The following ALDH1L1 variants were observed in gnomAD, a reference collection of about 807,000 sequenced individuals.
ALDH1L1 encodes cytosolic 10-formyltetrahydrofolate dehydrogenase.
In ALDH1L1, 68 loss-of-function variants were observed where a neutral mutation model predicts 101.1. The observed-to-expected ratio is 0.67, with a 90% confidence interval of 0.55 to 0.82. The LOEUF is 0.82. ALDH1L1 is among the 40% of genes least tolerant of loss of function. The pLI, the probability that ALDH1L1 is intolerant of heterozygous loss-of-function variation, is 0.00. For missense variants in ALDH1L1, 1,087 were observed against 1,172.7 expected (o/e 0.93, Z 1.07); for synonymous variants, 486 against 470.8 (o/e 1.03, Z -0.42).
chr3:126,124,739 T>G (rs2080148170), intron 15 of ALDH1L1, among the ~76,000 whole-genome samples: 1 of 152,198 alleles, frequency 6.6e-6, no homozygotes, highest in African/African-American at 2.4e-5. Context: ...CTGCACAGCA[T>G]AAGTTTCTAA....
At chr3:126,168,991 G>A (rs997875608) in intron 1 of ALDH1L1, among the ~76,000 whole-genome samples, 7 of 152,060 alleles carry the variant, frequency 4.6e-5, no homozygotes, top group Admixed American at 2.0e-4. Flanking sequence ...TCTTCAAAAC[G>A]TGGTTTATAT....
chr3:126,154,731 G>A (rs1461850379), intron 5 of ALDH1L1, 88 bp from the exon 6 acceptor site: 10 of 1,243,402 alleles, frequency 8.0e-6, no homozygotes, highest in Non-Finnish European at 1.2e-5. Context: ...CCAAGCTCTT[G>A]TGAGACAGCT....
chr3:126,126,738 C>T (rs556999023), intron 14 of ALDH1L1, among the ~76,000 whole-genome samples: 1 of 152,292 alleles, frequency 6.6e-6, no homozygotes, highest in South Asian at 2.1e-4. Flanking sequence ...CTGAATTGTG[C>T]CCCCACTCCC....
rs150172243 is a variant in ALDH1L1 at position 126,157,430 on chromosome 3, C to A, written c.441G>T (p.Leu147=). The A allele has an allele frequency of 4.2e-4, 676 of 1,614,168 alleles. 2 individuals carry two copies. In the African/African-American group the frequency reaches 8.0e-3, roughly 19 times the overall value. ...GGAGCACCTCACACTCCTTCTGCAGCAGCAGGTCTCCGGTGTCCAGACCAT... is the reference window on the plus strand; with the variant it reads ...GGAGCACCTCACACTCCTTCTGCAGAAGCAGGTCTCCGGTGTCCAGACCAT... ...ADDGLDTGDL[L]LQKECEVLPD... is the part of the protein sequence containing the mutation. Residue 147 remains leucine (L), a synonymous_variant, in exon 4 of 23, where the codon CTG becomes CTT. Transcript: ENST00000393434.
Position 126,103,820 on chromosome 3 carries a change from G to C in ALDH1L1, c.2680C>G (p.Arg894Gly). ...LGEAALNEYL[R>G]VKTVTFEY The stretch of plus-strand genomic sequence containing the variant: ...TATTCGAAGGTCACTGTCTTGACCC[G>C]CAGGTACTCGTTCAGAGCCGCCTCT... Residue 894 changes from arginine to glycine, a missense_variant, in exon 23 of 23, where the codon CGG (arginine) becomes GGG (glycine). Arg to Gly is a moderately radical substitution (Grantham distance 125). Transcript: ENST00000393434. 1 of 1,613,570 alleles carries C rather than the reference G, an allele frequency of 6.2e-7. No homozygotes were observed. The highest frequency in any genetic ancestry group is 8.5e-7 in the Non-Finnish European group (1 of 1,179,802).
At chr3:126,195,882 C>T (rs942135811) in intron 1 of ALDH1L1, among the ~76,000 whole-genome samples, 7 of 152,040 alleles carry the variant, frequency 4.6e-5, no homozygotes, top group South Asian at 4.2e-4. Context: ...AAACACCGCA[C>T]GTTCTCACTC....
intron 4 of ALDH1L1, chr3:126,156,568 C>G (rs2080909608): frequency 6.6e-6 from 1 of 152,340 alleles, no homozygotes; most frequent in Non-Finnish European, 1.5e-5. Flanking sequence ...CGGGCAGGGG[C>G]AAGCAGCCCT....
intron 1 of ALDH1L1, among the ~76,000 whole-genome samples, chr3:126,171,304 A>G (rs145155555): frequency 6.6e-6 from 1 of 152,212 alleles, no homozygotes; most frequent in East Asian, 1.9e-4. Context: ...CTCAATAAAT[A>G]AGTAAAAACA....
intron 20 of ALDH1L1, among the ~76,000 whole-genome samples, chr3:126,107,483 G>A (rs539836704): frequency 4.6e-5 from 7 of 152,342 alleles, no homozygotes; most frequent in East Asian, 1.9e-4. Flanking sequence ...AAATGGGGCC[G>A]CCGGTTGGCA....
chr3:126,134,599 G>A (rs1024625874), intron 12 of ALDH1L1, among the ~76,000 whole-genome samples: 6 of 152,182 alleles, frequency 3.9e-5, no homozygotes, highest in South Asian at 4.1e-4. Flanking sequence ...ATCTCCATTC[G>A]GTTTTGCAGA....
chr3:126,103,770 T>C lies in ALDH1L1; in HGVS notation c.*21A>G. 6.2e-7 allele frequency: 1 copy of C among 1,612,290 alleles called. No homozygotes were observed. Among genetic ancestry groups the C allele is most frequent in the Non-Finnish European group, 8.5e-7 (1 of 1,179,198 alleles). ...AGCCACGAGGGAGGGGCAGGGACTT[T>C]CTTCTCACAAAGACCTTTCTTCAGT... On this transcript the variant is annotated 3_prime_UTR_variant, in exon 23 of 23. Transcript: ENST00000393434.
At position 126,153,592 on chromosome 3, in the gene ALDH1L1, G is replaced by A; in HGVS notation, c.721-11C>T. On this transcript the variant is annotated splice_polypyrimidine_tract_variant and intron_variant, in intron 6 of 22. Coordinates refer to ENST00000393434, the MANE Select transcript of ALDH1L1 (RefSeq NM_012190.4). ...GAAAAATGTCAGTTTCTGTCAAGGG[G>A]AGAAATATCAGAAGATGGTGGGTGA... 1.2e-6 allele frequency: 2 copies of A among 1,609,120 alleles called. No homozygotes were observed. Among genetic ancestry groups the A allele is most frequent in the Non-Finnish European group, 1.7e-6 (2 of 1,176,688 alleles).
chr3:126,187,148 T>A (rs1250466028), intron 1 of ALDH1L1, among the ~76,000 whole-genome samples: 1 of 151,726 alleles, frequency 6.6e-6, no homozygotes, highest in Non-Finnish European at 1.5e-5. Flanking sequence ...AAGGCTGTAA[T>A]GAGAGAGACT....
intron 1 of ALDH1L1, among the ~76,000 whole-genome samples, chr3:126,177,282 A>C (rs1037210389): frequency 3.9e-5 from 6 of 152,254 alleles, no homozygotes; most frequent in Non-Finnish European, 8.8e-5. Flanking sequence ...TTCACTGCTA[A>C]AACTTGGAAG....
At chr3:126,122,424 T>C (rs545561456) in intron 16 of ALDH1L1, among the ~76,000 whole-genome samples, 25 of 151,502 alleles carry the variant, frequency 1.7e-4, no homozygotes, top group African/African-American at 5.8e-4. Flanking sequence ...AGAAAGGAGG[T>C]AGGTGGGAAT....
intron 1 of ALDH1L1, among the ~76,000 whole-genome samples, chr3:126,166,250 C>T (rs545781237): frequency 5.9e-5 from 9 of 152,328 alleles, no homozygotes; most frequent in African/African-American, 2.2e-4. Flanking sequence ...AAAGGCATTG[C>T]TCACGTTCAT....
Position 126,190,488 on chromosome 3 carries a change from C to T in ALDH1L1, c.-24+7247G>A, listed in dbSNP as rs114624613. ...AGGGCCTCCATGGGTCCACACTTCA[C>T]GCTGAATTTACGTGTTTTCAGATAC... On this transcript the variant is annotated intron_variant, in intron 1 of 2. Transcript: ENST00000509952. 2.7e-3 allele frequency among the ~76,000 whole-genome samples: 409 copies of T among 152,316 alleles called. 2 individuals carry two copies. The highest frequency in any genetic ancestry group is 9.2e-3 in the African/African-American group (381 of 41,576).
chr3:126,190,519 T>C (rs1290905032), intron 1 of ALDH1L1, among the ~76,000 whole-genome samples: 4 of 152,222 alleles, frequency 2.6e-5, no homozygotes, highest in Non-Finnish European at 1.5e-5. Flanking sequence ...GATACCAATT[T>C]TGTTTTTCCA....
intron 17 of ALDH1L1, among the ~76,000 whole-genome samples, chr3:126,117,748 C>T (rs546722803): frequency 1.3e-5 from 2 of 152,204 alleles, no homozygotes; most frequent in South Asian, 2.1e-4. Context: ...GAAATCCATG[C>T]GTGTTTTATA....
Sources: allele counts gnomAD v4.1 joint callset (sites outside exome capture counted in the v4.1 genomes callset), GRCh38; gene constraint gnomAD v4.1.1; transcripts MANE v1.5; gene names NCBI Gene and HGNC (gene_info 2026-07-23, HGNC 2026-07-21).